Variants in FAM149A observed in about 807,000 individuals in gnomAD.
FAM149A encodes family with sequence similarity 149 member A, also known as protein FAM149A.
In FAM149A, 71 loss-of-function variants were observed where a neutral mutation model predicts 78.2. The observed-to-expected ratio is 0.91, with a 90% CI of 0.75 to 1.11. The LOEUF (loss-of-function observed/expected upper bound fraction) is 1.11, where lower values mean the gene tolerates loss of function less well. Ranked by LOEUF, FAM149A falls within the 50% of genes least tolerant of loss-of-function variation. The pLI is 0.00. For missense variants in FAM149A, 1,036 were observed against 971.0 expected (o/e 1.07, Z -0.89); for synonymous variants, 446 against 410.5 (o/e 1.09, Z -1.04).
At chr4:186,168,022 A>C (rs1220571987) in intron 13 of FAM149A, among the ~76,000 whole-genome samples, 5 of 152,252 alleles carry the variant, frequency 3.3e-5, no homozygotes, top group Non-Finnish European at 5.9e-5. Flanking sequence ...TGTATTATAA[A>C]TAACCTGAAA....
At chr4:186,124,118 G>A (rs1041085039) in intron 1 of FAM149A, 2 of 984,748 alleles carry the variant, frequency 2.0e-6, no homozygotes, top group African/African-American at 3.5e-5. Flanking sequence ...AGAAAAGGAT[G>A]GACTTACGAT....
chr4:186,167,469 A>G (rs373111560), intron 13 of FAM149A: 4 of 611,500 alleles, frequency 6.5e-6, no homozygotes, highest in African/African-American at 5.5e-5. Flanking sequence ...GGTCAAGAAG[A>G]GGGGAATGTC....
At chr4:186,169,200 C>CT (rs1303426742) in intron 13 of FAM149A, 7 of 983,994 alleles carry the variant, frequency 7.1e-6, no homozygotes, top group Non-Finnish European at 7.2e-6. Context: ...TTATCAGTAA[C>CT]TTTTTTTCCT....
chr4:186,171,274 G>C (rs190884454), intron 13 of FAM149A: 8 of 152,284 alleles, frequency 5.3e-5, no homozygotes, highest in African/African-American at 1.9e-4. Flanking sequence ...AGGCCCAGAC[G>C]CACCGCTTCA....
At chr4:186,148,999 GGTGTGTGTGTGTGTGT>G (rs70964919) in intron 1 of FAM149A, among the ~76,000 whole-genome samples, 158 bp from the exon 2 acceptor site, 4 of 147,980 alleles carry the variant, frequency 2.7e-5, no homozygotes. Context: ...ATCAGGATGG[GGTGTGTGTGTGTGTGT>G]GTGTGTGTGT....
At position 186,153,847 on chromosome 4, in the gene FAM149A, A is replaced by G. The variant is rs1394721067; in HGVS notation, c.1058+77A>G. ...ATACTTTTTCATGTTTATCTCATCTATAAGCCTTGGCTCCACCCATTTTGG... is the reference window on the plus strand; with the variant it reads ...ATACTTTTTCATGTTTATCTCATCTGTAAGCCTTGGCTCCACCCATTTTGG... On this transcript the variant is annotated intron_variant, in intron 5 of 13. Transcript: ENST00000389354. The G allele has an allele frequency of 5.3e-6, 8 of 1,499,922 alleles. No homozygotes were observed. The African/African-American group carries it at 8.3e-5, about 16-fold the overall frequency. The allele number at this position is 1,499,922 out of a possible 1,614,324, so 92.9% of individuals were successfully genotyped here.
chr4:186,113,888 G>A (rs1185142369), intron 1 of FAM149A, among the ~76,000 whole-genome samples: 5 of 152,116 alleles, frequency 3.3e-5, no homozygotes, highest in Non-Finnish European at 1.5e-5. Context: ...GGGGTGGAGA[G>A]TTCTGTATAT....
rs906352192 is a variant in FAM149A at position 186,131,273 on chromosome 4, A to G, written c.567-17900A>G. On this transcript the variant is annotated intron_variant, in intron 1 of 13. Transcript: ENST00000389354. ...TGAGGCAGGAAAATCGCTTGAACCCATGAGGCAGAGGTTGCAGTGAGCTGA... is the reference window on the plus strand; with the variant it reads ...TGAGGCAGGAAAATCGCTTGAACCCGTGAGGCAGAGGTTGCAGTGAGCTGA... Among the ~76,000 whole-genome samples the G allele has an allele frequency of 2.6e-5, 4 of 152,140 alleles. No homozygotes were observed. In the East Asian group the frequency reaches 5.8e-4, roughly 22 times the overall value.
rs2126565611 is a variant in FAM149A, at chr4:186,172,232, C to A, written c.*245C>A. ...AGGTTCTGTAGGCTTTGTTCAGAAG[C>A]CCCTGATGTGTGTTTGCAGTCCGTC... On this transcript the variant is annotated 3_prime_UTR_variant, in exon 14 of 14. Coordinates refer to ENST00000389354, the MANE Select transcript of FAM149A (RefSeq NM_001367768.3). 2.3e-6 allele frequency: 1 copy of A among 434,220 alleles called. No homozygotes were observed. The highest frequency in any genetic ancestry group is 4.0e-6 in the Non-Finnish European group (1 of 252,892). 26.9% of individuals were successfully genotyped at this position (434,220 alleles called of 1,614,324 possible). A position where few individuals can be genotyped will look rare whatever the true frequency, so the allele number is the denominator to read the frequency against.
chr4:186,162,735 G>GGTGAGT, intron 8 of FAM149A, 110 bp from the exon 9 acceptor site: 1 of 634,154 alleles, frequency 1.6e-6, no homozygotes, highest in Non-Finnish European at 2.8e-6. Flanking sequence ...CCAGTTAGCT[G>GGTGAGT]GTGAGTGTGC....
At chr4:186,130,658 C>A (rs1180117601) in intron 1 of FAM149A, among the ~76,000 whole-genome samples, 1 of 151,924 alleles carries the variant, frequency 6.6e-6, no homozygotes, top group African/African-American at 2.4e-5. Flanking sequence ...CGTGCCTGGC[C>A]AATTATGTAT....
chr4:186,157,377 C>T (rs1010844200), intron 7 of FAM149A, among the ~76,000 whole-genome samples, 188 bp from the exon 8 acceptor site: 24 of 152,192 alleles, frequency 1.6e-4, no homozygotes, highest in African/African-American at 5.8e-4. Flanking sequence ...TTCTCCAAGC[C>T]CTGCAACCAC....
intron 8 of FAM149A, chr4:186,157,927 A>T: frequency 6.5e-7 from 1 of 1,530,976 alleles, no homozygotes. Context: ...CTGCCTATGA[A>T]GGACGAGGAT....
intron 4 of FAM149A, chr4:186,153,246 A>G (rs1733754204): frequency 1.0e-6 from 1 of 978,330 alleles, no homozygotes; most frequent in South Asian, 4.7e-5. Context: ...GCATATTTAT[A>G]TATTTGTATT....
rs377734857 is a variant in FAM149A at position 186,162,945 on chromosome 4, C to G, written c.1676C>G (p.Thr559Arg). ...AGACCTGCCTATTTTGCTGACAGAA[C>G]GCAGTACGTATCAGAATCAGTAGTA... The change falls in exon 9 of 14, where the codon ACG (threonine) becomes AGG (arginine). Residue 559 changes from threonine to arginine, a missense_variant. Around this residue, in one of 3 missense-constraint regions of FAM149A, gnomAD observed 716 missense variants for 711.8 expected, o/e 1.01. Coordinates refer to ENST00000389354, the MANE Select transcript of FAM149A (RefSeq NM_001367768.3). 1.3e-6 allele frequency: 2 copies of G among 1,585,878 alleles called. No individual in the cohort carries two copies. Among genetic ancestry groups the G allele is most frequent in the East Asian group, 2.2e-5 (1 of 44,552 alleles).
At chr4:186,143,563 T>A (rs1394278821) in intron 1 of FAM149A, among the ~76,000 whole-genome samples, 1 of 152,188 alleles carries the variant, frequency 6.6e-6, no homozygotes, top group East Asian at 1.9e-4. Flanking sequence ...GTTTGTTTTT[T>A]TGAGACAGAG....
At chr4:186,168,025 A>G (rs1735207568) in intron 13 of FAM149A, among the ~76,000 whole-genome samples, 1 of 152,242 alleles carries the variant, frequency 6.6e-6, no homozygotes, top group Admixed American at 6.5e-5. Context: ...ATTATAAATA[A>G]CCTGAAATTT....
At chr4:186,145,934 A>G (rs1561401553) in intron 1 of FAM149A, among the ~76,000 whole-genome samples, 1 of 152,102 alleles carries the variant, frequency 6.6e-6, no homozygotes, top group African/African-American at 2.4e-5. Context: ...TGCATGAGGG[A>G]CCAGTAACCA....
chr4:186,156,265 C>A, intron 7 of FAM149A, 75 bp downstream of exon 7: 1 of 1,273,982 alleles, frequency 7.8e-7, no homozygotes, highest in Non-Finnish European at 1.1e-6. Context: ...TGCTCCCCAG[C>A]TTGGCCAGAC....
Sources: gnomAD v4.1 joint callset for allele counts (sites outside exome capture counted in the v4.1 genomes callset) on GRCh38, gnomAD v4.1.1 for gene constraint, gnomAD v4.1.1 regional missense constraint, MANE v1.5 for transcripts, NCBI Gene and HGNC (gene_info 2026-07-23, HGNC 2026-07-21) for gene names.